YTHDF1: variants seen among roughly 807,000 people sequenced by gnomAD.
The protein encoded by YTHDF1 is YTH N6-methyladenosine RNA binding protein F1, also known as YTH domain-containing family protein 1.
A neutral mutation model predicts 49.1 loss-of-function variants in YTHDF1; 16 were observed. The observed-to-expected ratio is 0.33, with a 90% CI of 0.22 to 0.49. The LOEUF (loss-of-function observed/expected upper bound fraction) is 0.49. Among genes scored for constraint, YTHDF1 ranks in the 20% least tolerant of loss-of-function variants. The pLI is 0.99. For synonymous variants in YTHDF1, 313 were observed against 290.1 expected, an observed-to-expected ratio of 1.08 and a Z score of -0.80; for missense variants, 621 against 744.3, an observed-to-expected ratio of 0.83 and a Z score of 1.93.
chr20:63,209,579 A>G (rs979928823), intron 3 of YTHDF1, among the ~76,000 whole-genome samples: 6 of 152,156 alleles, frequency 3.9e-5, no homozygotes, highest in African/African-American at 1.4e-4. Flanking sequence ...AGAACAGCCC[A>G]GGCAACACAG....
Position 63,206,778 on chromosome 20 carries a change from G to GCAAACAAAAC in YTHDF1, c.133-2972_133-2971insGTTTTGTTTG, listed in dbSNP as rs1568992993. ...TCTGCCATCTTTCCTCCAAAACTCT[G>GCAAACAAAAC]AAGGTAAAGAAGCAGGTTAATTTGT... On this transcript the variant is annotated intron_variant, in intron 3 of 4. Transcript: ENST00000370339. 1.3e-3 allele frequency among the ~76,000 whole-genome samples: 203 copies of GCAAACAAAAC among 152,332 alleles called. 8 individuals are homozygous for GCAAACAAAAC. The South Asian group carries it at 0.042, about 31-fold the overall frequency.
chr20:63,211,501 A>G (rs1007272059), intron 3 of YTHDF1, among the ~76,000 whole-genome samples: 2 of 152,140 alleles, frequency 1.3e-5, no homozygotes, highest in Admixed American at 1.3e-4. Flanking sequence ...TATGCCCACT[A>G]TCTTAACTGT....
intron 3 of YTHDF1, 150 bp downstream of exon 3, chr20:63,213,714 T>A: frequency 1.4e-6 from 1 of 696,442 alleles, no homozygotes; most frequent in East Asian, 3.2e-5. Flanking sequence ...TTAACAGGAG[T>A]CACATCTTCA....
rs2066597980 is a variant in YTHDF1 at position 63,215,600 on chromosome 20, C to G, written c.29G>C (p.Arg10Thr). 6.2e-7 allele frequency: 1 copy of G among 1,609,976 alleles called. No homozygotes were observed. Among genetic ancestry groups the G allele is most frequent in the Admixed American group, 1.7e-5 (1 of 59,536 alleles). Residue 10 changes from arginine (R) to threonine (T), a missense_variant and splice_region_variant, in exon 2 of 5, where the codon AGA becomes ACA. Arg to Thr is a moderately conservative substitution (Grantham distance 71). This residue lies in a region of YTHDF1 where 470 missense variants were observed against 495.8 expected (regional missense o/e 0.95). Coordinates refer to ENST00000370339, the MANE Select transcript of YTHDF1 (RefSeq NM_017798.4). MSATSVDTQRTKGQDNKVQN... is the reference protein window; with the variant it reads MSATSVDTQTTKGQDNKVQN... ...ACCTTTATTATCTTGTCCTTTTGTT[C>G]TCTGCACCGCCGCAGGCCGGGACGT...
chr20:63,215,850 A>C lies in YTHDF1; in HGVS notation c.27+16T>G, dbSNP rs1477086185. ...CCTCGGCCCCGGCCGCGGCCCCTGT[A>C]ACCCGGCCCCGCTACCTGGGTGTCC... On this transcript the variant is annotated intron_variant, in intron 1 of 4. Transcript: ENST00000370339. The C allele has an allele frequency of 6.9e-7, 1 of 1,456,990 alleles. No homozygotes were observed. The highest frequency in any genetic ancestry group is 3.1e-5 in the East Asian group (1 of 32,702). The allele number at this position is 1,456,990 out of a possible 1,614,324, so 90.3% of individuals were successfully genotyped here. A position where few individuals can be genotyped will look rare whatever the true frequency, so the allele number is the denominator to read the frequency against.
intron 4 of YTHDF1, among the ~76,000 whole-genome samples, chr20:63,198,810 G>T (rs150678799): frequency 3.3e-5 from 5 of 152,170 alleles, no homozygotes; most frequent in Non-Finnish European, 7.3e-5. Flanking sequence ...GGCACCTGCC[G>T]CCAGGGCAAG....
chr20:63,201,043 TAA>T (rs780690604), intron 4 of YTHDF1, among the ~76,000 whole-genome samples: 29 of 140,596 alleles, frequency 2.1e-4, no homozygotes, highest in South Asian at 9.1e-4. Context: ...AAACTCCATT[TAA>T]AAAAAAAAAA....
rs749914499 is a variant in YTHDF1, at chr20:63,196,679, G to C, written c.*29C>G. The C allele has an allele frequency of 1.1e-5, 18 of 1,613,640 alleles. No homozygotes were observed. Among genetic ancestry groups the C allele is most frequent in the Non-Finnish European group, 1.4e-5 (17 of 1,179,758 alleles). On this transcript the variant is annotated 3_prime_UTR_variant, in exon 5 of 5. Transcript: ENST00000370339. ...TTTTAAACTGTTTTCAAAGTCAAAC[G>C]TTAGAACATGTAAGAAACTGGTTCG...
chr20:63,199,532 A>C (rs1311697885), intron 4 of YTHDF1, among the ~76,000 whole-genome samples: 2 of 151,058 alleles, frequency 1.3e-5, no homozygotes, highest in Non-Finnish European at 3.0e-5. Context: ...AAAAAAAAAA[A>C]CAAAACAAAA....
In YTHDF1 at chr20:63,203,153, G is replaced by C; in HGVS notation, c.787C>G (p.Pro263Ala). The change falls in exon 4 of 5, where the codon CCA (proline) becomes GCA (alanine). Residue 263 changes from proline (P) to alanine (A), a missense_variant. Pro to Ala is a conservative substitution (Grantham distance 27). Coordinates refer to ENST00000370339, the MANE Select transcript of YTHDF1 (RefSeq NM_017798.4). The surrounding 1 kb of genome is among the most constrained non-coding windows in gnomAD (Gnocchi z 4.4). ...GPVMGGGLPP[P>A]PIKHNMDIGT... ...ATGTCCATGTTATGCTTTATGGGTG[G>C]AGGGGGCAGCCCACCCCCCATGACA... 6.2e-7 allele frequency: 1 copy of C among 1,613,732 alleles called. No individual in the cohort carries two copies. Among genetic ancestry groups the C allele is most frequent in the East Asian group, 2.2e-5 (1 of 44,888 alleles).
chr20:63,207,985 C>T (rs1489377006), intron 3 of YTHDF1, among the ~76,000 whole-genome samples: 1 of 148,090 alleles, frequency 6.8e-6, no homozygotes, highest in Non-Finnish European at 1.5e-5. Flanking sequence ...AGTGAGACTC[C>T]GTCTCAAAAA....
Position 63,216,023 on chromosome 20 carries a change from G to T in YTHDF1, c.-131C>A. On this transcript the variant is annotated 5_prime_UTR_variant, in exon 1 of 5. Coordinates refer to ENST00000370339, the MANE Select transcript of YTHDF1 (RefSeq NM_017798.4). ...ATTCCCCGGGCGCCGGCCGGGCGGC[G>T]GCGGCGGCTGCTGGGCGCGCGGGCC... The T allele has an allele frequency of 1.2e-6, 1 of 823,756 alleles. No individual in the cohort carries two copies. The highest frequency in any genetic ancestry group is 5.3e-5 in the South Asian group (1 of 18,714). The allele number at this position is 823,756 out of a possible 1,614,324, so 51.0% of individuals were successfully genotyped here. A position where few individuals can be genotyped will look rare whatever the true frequency, so the allele number is the denominator to read the frequency against.
chr20:63,207,447 T>G (rs183075883), intron 3 of YTHDF1, among the ~76,000 whole-genome samples: 2 of 151,528 alleles, frequency 1.3e-5, no homozygotes, highest in South Asian at 4.2e-4. Flanking sequence ...CCAGCCTGGG[T>G]GACAGAGCAA....
At chr20:63,199,799 C>T (rs988606311) in intron 4 of YTHDF1, among the ~76,000 whole-genome samples, 19 of 151,674 alleles carry the variant, frequency 1.3e-4, no homozygotes, top group African/African-American at 4.1e-4. Flanking sequence ...TGGCTCATTC[C>T]TATAATCCCA....
intron 3 of YTHDF1, among the ~76,000 whole-genome samples, chr20:63,210,795 C>CA (rs1382048528): frequency 2.0e-5 from 3 of 151,840 alleles, no homozygotes; most frequent in Non-Finnish European, 4.4e-5. Context: ...TCTCAAAAAA[C>CA]AAAAAAAGAG....
At chr20:63,214,375 T>C (rs538153633) in intron 2 of YTHDF1, among the ~76,000 whole-genome samples, 1 of 152,302 alleles carries the variant, frequency 6.6e-6, no homozygotes, top group East Asian at 1.9e-4. Context: ...GAAGGACTGT[T>C]GGGAGCTATT....
chr20:63,208,641 G>A (rs2066559350), intron 3 of YTHDF1, among the ~76,000 whole-genome samples: 1 of 152,278 alleles, frequency 6.6e-6, no homozygotes, highest in Admixed American at 6.5e-5. Context: ...TTCCAGCTGC[G>A]TTTCTGGGAA....
chr20:63,215,613 C>A lies in YTHDF1; in HGVS notation c.28-12G>T, dbSNP rs891996266. On this transcript the variant is annotated splice_polypyrimidine_tract_variant and intron_variant, in intron 1 of 4. Coordinates refer to ENST00000370339, the MANE Select transcript of YTHDF1 (RefSeq NM_017798.4). ...TGTCCTTTTGTTCTCTGCACCGCCG[C>A]AGGCCGGGACGTGGGGTACACACAA... 6.2e-6 allele frequency: 10 copies of A among 1,607,268 alleles called. No homozygotes were observed. The African/African-American group carries it at 1.3e-4, about 22-fold the overall frequency.
Position 63,200,877 on chromosome 20 carries a change from A to C in YTHDF1, c.1653+1410T>G, listed in dbSNP as rs575250539. Among the ~76,000 whole-genome samples the C allele has an allele frequency of 5.0e-4, 76 of 152,222 alleles. No homozygotes were observed. In the South Asian group the frequency reaches 0.015, roughly 30 times the overall value. On this transcript the variant is annotated intron_variant, in intron 4 of 4. Coordinates refer to ENST00000370339, the MANE Select transcript of YTHDF1 (RefSeq NM_017798.4). ...ATTATCCCTGCAACTTTAGCAATTCAGTATTCATTTTATACCTAAAAGTCT... is the reference window on the plus strand; with the variant it reads ...ATTATCCCTGCAACTTTAGCAATTCCGTATTCATTTTATACCTAAAAGTCT...
Sources: allele counts gnomAD v4.1 joint callset (sites outside exome capture counted in the v4.1 genomes callset), GRCh38; gene constraint gnomAD v4.1.1; regional missense constraint gnomAD v4.1.1; non-coding constraint Gnocchi (gnomAD v3.1); transcripts MANE v1.5; gene names NCBI Gene and HGNC (gene_info 2026-07-23, HGNC 2026-07-21).